REEP4: variants seen among roughly 807,000 people sequenced by gnomAD.
REEP4 encodes the protein receptor expression-enhancing protein 4.
Under a neutral mutation model 33.5 loss-of-function variants are expected in REEP4, and 17 were observed. The ratio of observed to expected loss-of-function variants is 0.51; its 90% CI spans 0.35 to 0.76. The LOEUF (loss-of-function observed/expected upper bound fraction) is 0.76, where lower values mean the gene tolerates loss of function less well. Among genes scored for constraint, REEP4 ranks in the 30% least tolerant of loss-of-function variants. The probability of loss-of-function intolerance (pLI) is 0.01; values close to 1 mark genes in which losing one functional copy is unlikely to be tolerated. For synonymous variants in REEP4, 157 were observed against 142.9 expected (o/e 1.10, Z -0.70); for missense variants, 340 against 357.9 (o/e 0.95, Z 0.40).
rs1359463287 is a variant in REEP4 at position 22,139,960 on chromosome 8, T to TA, written c.303+2dup. On this transcript the variant is annotated splice_region_variant and intron_variant, in intron 4 of 7. Coordinates refer to ENST00000306306, the MANE Select transcript of REEP4 (RefSeq NM_025232.4). ...CCTCCCTTCCCGCTTCCCCCTGGGGTACCTTCTCATGGCGGGACAGGGACG... is the reference window on the plus strand; with the variant it reads ...CCTCCCTTCCCGCTTCCCCCTGGGGTAACCTTCTCATGGCGGGACAGGGACG... The TA allele has an allele frequency of 6.3e-7, 1 of 1,585,204 alleles. No homozygotes were observed. The highest frequency in any genetic ancestry group is 1.3e-5 in the African/African-American group (1 of 74,188).
intron 1 of REEP4, 63 bp from the exon 2 acceptor site, chr8:22,140,760 C>T: frequency 1.4e-6 from 2 of 1,405,846 alleles, no homozygotes; most frequent in Non-Finnish European, 2.0e-6. Flanking sequence ...TGCCAAGTGG[C>T]CATTTCCCCC....
At chr8:22,141,329 T>A in intron 1 of REEP4, 122 bp downstream of exon 1, 1 of 1,199,732 alleles carries the variant, frequency 8.3e-7, no homozygotes. Context: ...CGTTAACCCT[T>A]GCATGGAGTG....
rs774235309 is a variant in REEP4 at position 22,138,793 on chromosome 8, C to A, written c.554G>T (p.Gly185Val). Residue 185 changes from glycine to valine, a missense_variant and splice_region_variant, in exon 7 of 8, where the codon GGG becomes GTG. By Grantham distance (109) the Gly-to-Val change is moderately radical. Coordinates refer to ENST00000306306, the MANE Select transcript of REEP4 (RefSeq NM_025232.4). ...GTCCTGCAGGCCCCCGGCCCGGTACCCTGTGTGGAGGAGGAGGTGAAGCTG... is the reference window on the plus strand; with the variant it reads ...GTCCTGCAGGCCCCCGGCCCGGTACACTGTGTGGAGGAGGAGGTGAAGCTG... ...DQVSHRRPPI[G>V]YRAGGLQDSD... is the part of the protein sequence containing the mutation. 1 of 1,594,486 alleles carries A rather than the reference C, an allele frequency of 6.3e-7. No individual in the cohort carries two copies. The highest frequency in any genetic ancestry group is 8.5e-7 in the Non-Finnish European group (1 of 1,172,744).
chr8:22,139,234 A>C (rs1405609231), intron 5 of REEP4, 173 bp from the exon 6 acceptor site: 1 of 1,006,956 alleles, frequency 9.9e-7, no homozygotes, highest in Non-Finnish European at 1.5e-6. Flanking sequence ...GCTTACGCTC[A>C]GTGCCAGAGC....
In REEP4 at chr8:22,139,996, C is replaced by T. The variant is rs768250256; in HGVS notation, c.270G>A (p.Lys90=). The change falls in exon 4 of 8, where the codon AAG becomes AAA. Residue 90 remains lysine (K), a synonymous_variant. Transcript: ENST00000306306. ...GGCGGGACAGGGACGGGTGGACAAA[C>T]TTGCGGTAAAGCAGGCTGGCGCCCT... ...YTKGASLLYR[K]FVHPSLSRHE... 3.8e-6 allele frequency: 6 copies of T among 1,588,496 alleles called. No homozygotes were observed. Among genetic ancestry groups the T allele is most frequent in the South Asian group, 1.1e-5 (1 of 88,376 alleles).
chr8:22,139,278 C>T, intron 5 of REEP4, 138 bp downstream of exon 5: 1 of 921,790 alleles, frequency 1.1e-6, no homozygotes. Flanking sequence ...CTCCACGCTT[C>T]TGCCAATACC....
intron 2 of REEP4, 96 bp downstream of exon 2, chr8:22,140,529 T>G: frequency 9.1e-7 from 1 of 1,093,840 alleles, no homozygotes; most frequent in Non-Finnish European, 1.4e-6. Flanking sequence ...ACTCAGGATG[T>G]GCCACACAGC....
rs772876078 is a variant in REEP4 at position 22,139,440 on chromosome 8, G to A, written c.393C>T (p.Ser131=). The change falls in exon 5 of 8, where the codon TCC becomes TCT. Residue 131 remains serine (S), a synonymous_variant. Coordinates refer to ENST00000306306, the MANE Select transcript of REEP4 (RefSeq NM_025232.4). ...FGKRGLNIAA[S]AAVQAATKSQ... is the part of the protein sequence containing the mutation. Reference sequence around the variant, plus strand: ...CCTTGGTGGCAGCCTGCACAGCAGCGGAGGCGGCAATGTTGAGGCCCCGCT... The same window carrying A: ...CCTTGGTGGCAGCCTGCACAGCAGCAGAGGCGGCAATGTTGAGGCCCCGCT... 28 of 1,608,090 alleles carry A rather than the reference G, an allele frequency of 1.7e-5. No homozygotes were observed. Among genetic ancestry groups the A allele is most frequent in the Middle Eastern group, 1.7e-4 (1 of 6,056 alleles).
At position 22,141,607 on chromosome 8, in the gene REEP4, C is replaced by A; in HGVS notation, c.-125G>T. 9.8e-7 allele frequency: 1 copy of A among 1,024,078 alleles called. No homozygotes were observed. The highest frequency in any genetic ancestry group is 1.4e-6 in the Non-Finnish European group (1 of 714,914). The allele number at this position is 1,024,078 out of a possible 1,614,324, so 63.4% of individuals were successfully genotyped here. On this transcript the variant is annotated 5_prime_UTR_variant, in exon 1 of 8. Coordinates refer to ENST00000306306, the MANE Select transcript of REEP4 (RefSeq NM_025232.4). ...GCAGAGGGGCGATCCGGCTGTCCCT[C>A]GGCGGAGGCAGAGCCCGCCGCCCAC...
chr8:22,141,129 G>C (rs1038073344), intron 1 of REEP4, among the ~76,000 whole-genome samples: 16 of 152,244 alleles, frequency 1.1e-4, no homozygotes, highest in Non-Finnish European at 4.4e-5. Flanking sequence ...CAGGCACCTG[G>C]ATTCTCCGCC....
chr8:22,140,248 C>T lies in REEP4; in HGVS notation c.106G>A (p.Val36Met), dbSNP rs747255585. 1.2e-6 allele frequency: 2 copies of T among 1,613,984 alleles called. No individual in the cohort carries two copies. Among genetic ancestry groups the T allele is most frequent in the Non-Finnish European group, 1.7e-6 (2 of 1,180,004 alleles). ...ACAATCCAGTACATCATCCACCGCACCTGTGGGGTGAGCGCCCAGAGGTCA... is the reference window on the plus strand; with the variant it reads ...ACAATCCAGTACATCATCCACCGCATCTGTGGGGTGAGCGCCCAGAGGTCA... ...AVKTKNIREYVRWMMYWIVFA... is the reference protein window; with the variant it reads ...AVKTKNIREYMRWMMYWIVFA... Residue 36 changes from valine to methionine, a missense_variant and splice_region_variant, in exon 3 of 8, where the codon GTG becomes ATG. Physicochemically the swap from Val to Met is conservative, Grantham distance 21 (BLOSUM62 1). Coordinates refer to ENST00000306306, the MANE Select transcript of REEP4 (RefSeq NM_025232.4).
chr8:22,138,405 C>G lies in REEP4; in HGVS notation c.*82G>C. On this transcript the variant is annotated 3_prime_UTR_variant, in exon 8 of 8. Coordinates refer to ENST00000306306, the MANE Select transcript of REEP4 (RefSeq NM_025232.4). ...GCCCAGGCAGCTGGTGCAGGCAGGCCAGATGTGCAGCCCAAGGTCCCTCCA... is the reference window on the plus strand; with the variant it reads ...GCCCAGGCAGCTGGTGCAGGCAGGCGAGATGTGCAGCCCAAGGTCCCTCCA... 6.6e-7 allele frequency: 1 copy of G among 1,523,952 alleles called. No individual in the cohort carries two copies. The highest frequency in any genetic ancestry group is 9.0e-7 in the Non-Finnish European group (1 of 1,108,568). The allele number at this position is 1,523,952 out of a possible 1,614,324, so 94.4% of individuals were successfully genotyped here.
chr8:22,141,592 G>T lies in REEP4; in HGVS notation c.-110C>A. On this transcript the variant is annotated 5_prime_UTR_variant, in exon 1 of 8. Transcript: ENST00000306306. ...GGGCAGTTGCGGGAAGCAGAGGGGCGATCCGGCTGTCCCTCGGCGGAGGCA... is the reference window on the plus strand; with the variant it reads ...GGGCAGTTGCGGGAAGCAGAGGGGCTATCCGGCTGTCCCTCGGCGGAGGCA... 8.6e-7 allele frequency: 1 copy of T among 1,157,104 alleles called. No individual in the cohort carries two copies. The highest frequency in any genetic ancestry group is 1.2e-6 in the Non-Finnish European group (1 of 827,302). 71.7% of individuals were successfully genotyped at this position (1,157,104 alleles called of 1,614,324 possible). A position where few individuals can be genotyped will look rare whatever the true frequency, so the allele number is the denominator to read the frequency against.
At chr8:22,139,388 C>T (rs1374088008) in intron 5 of REEP4, 28 bp downstream of exon 5, 1 of 1,560,842 alleles carries the variant, frequency 6.4e-7, no homozygotes, top group Middle Eastern at 1.7e-4. Flanking sequence ...GGGATGGGGG[C>T]TGCTGGAGGG....
rs1307320200 is a variant in REEP4 at position 22,138,148 on chromosome 8, G to C, written c.*339C>G. ...ATCAAGTACTTTGAAGGACAGGAAG[G>C]AATGAACACACCCAGGTGGACGTTT... On this transcript the variant is annotated 3_prime_UTR_variant, in exon 8 of 8. Coordinates refer to ENST00000306306, the MANE Select transcript of REEP4 (RefSeq NM_025232.4). 1.7e-6 allele frequency: 1 copy of C among 597,048 alleles called. No homozygotes were observed. The highest frequency in any genetic ancestry group is 3.0e-6 in the Non-Finnish European group (1 of 334,356). The allele number at this position is 597,048 out of a possible 1,614,324, so 37.0% of individuals were successfully genotyped here.
chr8:22,141,406 G>A (rs746196073), intron 1 of REEP4, 45 bp downstream of exon 1: 1 of 1,589,940 alleles, frequency 6.3e-7, no homozygotes, highest in South Asian at 1.1e-5. Context: ...ACAGGGGCGG[G>A]ACGGCACCCC....
chr8:22,138,190 G>T lies in REEP4; in HGVS notation c.*297C>A, dbSNP rs1827158230. The T allele has an allele frequency of 1.6e-6, 1 of 613,596 alleles. No homozygotes were observed. The highest frequency in any genetic ancestry group is 2.9e-6 in the Non-Finnish European group (1 of 341,294). 38.0% of individuals were successfully genotyped at this position (613,596 alleles called of 1,614,324 possible). Reference sequence around the variant, plus strand: ...TGGACGTTTGGTTTCATTTGCAGGGGTTCAGGGAGGGTTGCAGGGGTTCAG... The same window carrying T: ...TGGACGTTTGGTTTCATTTGCAGGGTTTCAGGGAGGGTTGCAGGGGTTCAG... On this transcript the variant is annotated 3_prime_UTR_variant, in exon 8 of 8. Coordinates refer to ENST00000306306, the MANE Select transcript of REEP4 (RefSeq NM_025232.4).
intron 5 of REEP4, 76 bp from the exon 6 acceptor site, chr8:22,139,137 CG>C (rs1827182874): frequency 6.5e-7 from 1 of 1,529,364 alleles, no homozygotes; most frequent in South Asian, 1.2e-5. Context: ...GGAGCTGAGA[CG>C]CAGAAGTGAA....
Position 22,141,490 on chromosome 8 carries a change from G to C in REEP4, c.-8C>G. The C allele has an allele frequency of 6.3e-7, 1 of 1,587,654 alleles. No homozygotes were observed. Among genetic ancestry groups the C allele is most frequent in the East Asian group, 2.4e-5 (1 of 42,038 alleles). The stretch of plus-strand genomic sequence containing the variant: ...GATCATCCAGGACACCATCTTGCCG[G>C]CCTTTGGGACGTGGGGAGGACCCCA... On this transcript the variant is annotated 5_prime_UTR_variant, in exon 1 of 8. Transcript: ENST00000306306.
Sources: allele counts gnomAD v4.1 joint callset (sites outside exome capture counted in the v4.1 genomes callset), GRCh38; gene constraint gnomAD v4.1.1; transcripts MANE v1.5; gene names NCBI Gene and HGNC (gene_info 2026-07-23, HGNC 2026-07-21).